Variants in TMEM200A observed in about 807,000 individuals in gnomAD.
TMEM200A encodes transmembrane protein 200A, also known as two transmembrane C.
In TMEM200A, 12 loss-of-function variants were observed where a neutral mutation model predicts 24.3. The ratio of observed to expected loss-of-function variants is 0.49; its 90% confidence interval spans 0.32 to 0.80. TMEM200A has a LOEUF of 0.80. Among genes scored for constraint, TMEM200A ranks in the 30% least tolerant of loss-of-function variants. The pLI is 0.04. For missense variants in TMEM200A, 545 were observed against 614.4 expected, an observed-to-expected ratio of 0.89 and a Z score of 1.19; for synonymous variants, 224 against 224.4, an observed-to-expected ratio of 1.00 and a Z score of 0.02.
At chr6:130,418,144 A>G (rs1452868361) in intron 2 of TMEM200A, among the ~76,000 whole-genome samples, 3 of 152,108 alleles carry the variant, frequency 2.0e-5, no homozygotes, top group African/African-American at 4.8e-5. Context: ...ATTCTTGATC[A>G]TATATAGATA....
chr6:130,421,510 T>TTGTGTGTGTGTGTGTG (rs60156754), intron 2 of TMEM200A, among the ~76,000 whole-genome samples: 92 of 149,032 alleles, frequency 6.2e-4, no homozygotes, highest in Admixed American at 2.1e-3. Context: ...ACAGTTACCT[T>TTGTGTGTGTGTGTGTG]TGTGTGTGTG....
At chr6:130,368,623 A>G (rs1778239409) in intron 1 of TMEM200A, among the ~76,000 whole-genome samples, 2 of 152,322 alleles carry the variant, frequency 1.3e-5, no homozygotes, top group South Asian at 4.1e-4. Flanking sequence ...ACACTCAGAA[A>G]ACATCAGTGA....
chr6:130,415,144 T>C (rs1262271470), intron 2 of TMEM200A, among the ~76,000 whole-genome samples: 1 of 152,130 alleles, frequency 6.6e-6, no homozygotes, highest in Non-Finnish European at 1.5e-5. Flanking sequence ...ATGGAAGGAC[T>C]TGCAGAATTA....
At chr6:130,407,210 C>T (rs1779226462) in intron 2 of TMEM200A, among the ~76,000 whole-genome samples, 1 of 152,116 alleles carries the variant, frequency 6.6e-6, no homozygotes, top group Non-Finnish European at 1.5e-5. Context: ...TCTGAAAATG[C>T]TTAAATGTAT....
intron 2 of TMEM200A, among the ~76,000 whole-genome samples, chr6:130,417,329 T>G (rs1189740162): frequency 6.6e-6 from 1 of 152,182 alleles, no homozygotes; most frequent in Admixed American, 6.5e-5. Context: ...TCTGACAATC[T>G]GAGTTTGAAA....
chr6:130,441,108 A>G lies in TMEM200A; in HGVS notation c.686A>G (p.Asp229Gly). Residue 229 changes from aspartate (D) to glycine (G), a missense_variant, in exon 3 of 3, where the codon GAT (aspartate) becomes GGT (glycine). By Grantham distance (94) the Asp-to-Gly change is moderately conservative. Transcript: ENST00000296978. ...SFRMDSSVEE[D>G]ELMLNEGKSS... ...CGAATGGACAGCTCCGTGGAGGAGGATGAACTTATGTTAAATGAAGGTAAG... is the reference window on the plus strand; with the variant it reads ...CGAATGGACAGCTCCGTGGAGGAGGGTGAACTTATGTTAAATGAAGGTAAG... 6.2e-7 allele frequency: 1 copy of G among 1,613,990 alleles called. No individual in the cohort carries two copies. Among genetic ancestry groups the G allele is most frequent in the South Asian group, 1.1e-5 (1 of 91,082 alleles).
At chr6:130,402,618 C>A (rs895878643) in intron 2 of TMEM200A, among the ~76,000 whole-genome samples, 5 of 151,966 alleles carry the variant, frequency 3.3e-5, no homozygotes, top group African/African-American at 1.2e-4. Context: ...CAAGACTTTT[C>A]TTTCTTGCTG....
intron 2 of TMEM200A, among the ~76,000 whole-genome samples, chr6:130,388,278 G>A (rs1428213896): frequency 6.6e-6 from 1 of 152,198 alleles, no homozygotes; most frequent in Non-Finnish European, 1.5e-5. Flanking sequence ...GCTTTCAGAT[G>A]CTGTAGGACT....
chr6:130,399,529 T>C (rs1417625485), intron 2 of TMEM200A, among the ~76,000 whole-genome samples: 1 of 151,864 alleles, frequency 6.6e-6, no homozygotes, highest in East Asian at 1.9e-4. Context: ...AATCCAGCCA[T>C]TGAGCTTTTA....
chr6:130,375,783 G>C (rs764278527), intron 1 of TMEM200A, among the ~76,000 whole-genome samples: 23 of 152,190 alleles, frequency 1.5e-4, no homozygotes, highest in African/African-American at 4.3e-4. Flanking sequence ...GATGTTTGAG[G>C]TCATTTATTA....
intron 2 of TMEM200A, among the ~76,000 whole-genome samples, chr6:130,394,506 G>A (rs1778905275): frequency 6.6e-6 from 1 of 152,176 alleles, no homozygotes; most frequent in Admixed American, 6.5e-5. Flanking sequence ...ACCCGCCTCT[G>A]CACAGTCTGC....
chr6:130,411,624 G>A (rs549149567), intron 2 of TMEM200A, among the ~76,000 whole-genome samples: 47 of 152,154 alleles, frequency 3.1e-4, no homozygotes, highest in Non-Finnish European at 5.3e-4. Context: ...ATGTTTCTTC[G>A]GTATTTGCTT....
chr6:130,392,656 T>G (rs1396718315), intron 2 of TMEM200A, among the ~76,000 whole-genome samples: 1 of 152,290 alleles, frequency 6.6e-6, no homozygotes, highest in East Asian at 1.9e-4. Context: ...AGCTGTTCCC[T>G]CCTCTTTTTC....
intron 2 of TMEM200A, among the ~76,000 whole-genome samples, chr6:130,401,413 TTC>T (rs1273347914): frequency 8.1e-5 from 12 of 148,484 alleles, no homozygotes; most frequent in South Asian, 2.2e-4. Context: ...TTTTCTTTCT[TTC>T]TCTTTCTTTC....
chr6:130,420,030 C>T (rs1299969329), intron 2 of TMEM200A, among the ~76,000 whole-genome samples: 1 of 152,088 alleles, frequency 6.6e-6, no homozygotes, highest in Non-Finnish European at 1.5e-5. Flanking sequence ...CATTAATCCT[C>T]TCCATGAAAG....
chr6:130,377,238 AT>A (rs1778480422), intron 1 of TMEM200A, among the ~76,000 whole-genome samples: 1 of 152,206 alleles, frequency 6.6e-6, no homozygotes, highest in Non-Finnish European at 1.5e-5. Context: ...GAGGAGTGAA[AT>A]TGTGAATTAA....
At chr6:130,395,574 A>AT (rs1009660619) in intron 2 of TMEM200A, among the ~76,000 whole-genome samples, 4 of 152,180 alleles carry the variant, frequency 2.6e-5, no homozygotes, top group African/African-American at 9.7e-5. Context: ...CAGCTAAGTA[A>AT]TTTTTTTAAA....
intron 1 of TMEM200A, among the ~76,000 whole-genome samples, chr6:130,373,429 A>AT (rs1014307804): frequency 1.5e-4 from 23 of 152,050 alleles, no homozygotes; most frequent in South Asian, 1.2e-3. Context: ...ATTTTTAATG[A>AT]TTTTTTCCAT....
chr6:130,376,295 G>C (rs1778454909), intron 1 of TMEM200A, among the ~76,000 whole-genome samples: 1 of 152,026 alleles, frequency 6.6e-6, no homozygotes, highest in African/African-American at 2.4e-5. Flanking sequence ...TTTTGAGAGA[G>C]GGTCTCACTC....
Sources: gnomAD v4.1 joint callset for allele counts (sites outside exome capture counted in the v4.1 genomes callset) on GRCh38, gnomAD v4.1.1 for gene constraint, MANE v1.5 for transcripts, NCBI Gene and HGNC (gene_info 2026-07-23, HGNC 2026-07-21) for gene names.